Variants in DOCK2 observed in about 807,000 individuals in gnomAD.
The protein encoded by DOCK2 is dedicator of cytokinesis protein 2.
DOCK2 carries 87 observed loss-of-function variants against 248.9 expected under a neutral mutation model. That is an observed-to-expected ratio of 0.35 (90% confidence interval 0.29 to 0.42). The LOEUF is 0.42. DOCK2 is among the 10% of genes least tolerant of loss of function. The probability of loss-of-function intolerance (pLI) is 1.00; values close to 1 mark genes in which losing one functional copy is unlikely to be tolerated. For synonymous variants in DOCK2, 805 were observed against 821.6 expected (o/e 0.98, Z 0.35); for missense variants, 1,747 against 2,300.2 (o/e 0.76, Z 4.92).
intron 27 of DOCK2, among the ~76,000 whole-genome samples, chr5:169,981,744 G>A (rs1178140726): frequency 6.6e-6 from 1 of 152,100 alleles, no homozygotes; most frequent in East Asian, 1.9e-4. Flanking sequence ...CCTATTTACT[G>A]AAGGCTCAGA....
At chr5:169,881,549 C>A in intron 27 of DOCK2, 1 of 815,684 alleles carries the variant, frequency 1.2e-6, no homozygotes. Context: ...ATTCACGGTG[C>A]TCTGAAGTTG....
Position 169,775,629 on chromosome 5 carries a change from C to T in DOCK2, c.2554+14004C>T, listed in dbSNP as rs114173251. 7.5e-3 allele frequency among the ~76,000 whole-genome samples: 1,140 copies of T among 151,576 alleles called. 20 individuals carry two copies. The highest frequency in any genetic ancestry group is 0.027 in the African/African-American group (1,102 of 41,362). On this transcript the variant is annotated intron_variant, in intron 25 of 51. Coordinates refer to ENST00000520908, the MANE Select transcript of DOCK2 (RefSeq NM_004946.3). ...ATAAATTTTATAATAAAGTTTTATA[C>T]AATTATAAATATGATAACTTATAAG... is the stretch of plus-strand genomic sequence containing the variant.
chr5:169,700,166 C>T (rs767960838), intron 13 of DOCK2, 27 bp downstream of exon 13: 8 of 1,608,392 alleles, frequency 5.0e-6, no homozygotes, highest in East Asian at 2.2e-5. Context: ...CTGACCTTCC[C>T]CTGGGGACAT....
At chr5:169,914,699 G>T (rs1436194958) in intron 27 of DOCK2, among the ~76,000 whole-genome samples, 1 of 152,166 alleles carries the variant, frequency 6.6e-6, no homozygotes, top group Admixed American at 6.5e-5. Context: ...CCCATCTAAG[G>T]CATCAATCCC....
intron 26 of DOCK2, among the ~76,000 whole-genome samples, chr5:169,825,837 A>G (rs1768816406): frequency 6.7e-6 from 1 of 148,258 alleles, no homozygotes; most frequent in South Asian, 2.1e-4. Context: ...AAAAAAAAAG[A>G]AAAAAACAAA....
At chr5:169,758,880 T>C (rs773177997) in intron 23 of DOCK2, among the ~76,000 whole-genome samples, 2 of 152,248 alleles carry the variant, frequency 1.3e-5, no homozygotes, top group Non-Finnish European at 2.9e-5. Flanking sequence ...TACTTGAGTC[T>C]GATTGTTAAA....
chr5:169,809,358 GTC>G (rs1767598807), intron 26 of DOCK2, among the ~76,000 whole-genome samples: 1 of 152,202 alleles, frequency 6.6e-6, no homozygotes, highest in African/African-American at 2.4e-5. Flanking sequence ...TTAGTGCAGT[GTC>G]TCTTGCTTGG....
intron 27 of DOCK2, among the ~76,000 whole-genome samples, chr5:169,922,501 C>T (rs1561826249): frequency 2.0e-5 from 3 of 152,162 alleles, no homozygotes; most frequent in East Asian, 3.8e-4. Context: ...ATTTAATTAT[C>T]TAAGTAAAGT....
rs375603979 is a variant in DOCK2 at position 169,718,626 on chromosome 5, A to C, written c.2133-31A>C. 4.3e-5 allele frequency: 69 copies of C among 1,600,096 alleles called. No homozygotes were observed. The African/African-American group carries it at 7.4e-4, about 17-fold the overall frequency. ...CAAACTAATTACCATGATGAAAGAG[A>C]TGTATTTTGAAAATATTATCCCTTA... On this transcript the variant is annotated intron_variant, in intron 21 of 51. Transcript: ENST00000520908.
intron 26 of DOCK2, among the ~76,000 whole-genome samples, chr5:169,822,328 C>G (rs933065711): frequency 6.6e-6 from 1 of 152,232 alleles, no homozygotes; most frequent in African/African-American, 2.4e-5. Flanking sequence ...CTTTTCAGCA[C>G]CACACCACAC....
rs778683108 is a variant in DOCK2 at position 170,008,522 on chromosome 5, C to A, written c.3098C>A (p.Ala1033Glu). 12 of 1,613,992 alleles carry A rather than the reference C, an allele frequency of 7.4e-6. No individual in the cohort carries two copies. Among genetic ancestry groups the A allele is most frequent in the Admixed American group, 3.3e-5 (2 of 60,000 alleles). The change falls in exon 31 of 52, where the codon GCA (alanine) becomes GAA (glutamate). Residue 1033 changes from alanine (A) to glutamate (E), a missense_variant. Coordinates refer to ENST00000520908, the MANE Select transcript of DOCK2 (RefSeq NM_004946.3). Reference sequence around the variant, plus strand: ...CTGTGGAACAACTATTTTCATCTGGCAGTGGCTTTTATCACCCAGGATTCT... The same window carrying A: ...CTGTGGAACAACTATTTTCATCTGGAAGTGGCTTTTATCACCCAGGATTCT... ...FQLWNNYFHLAVAFITQDSLQ... is the reference protein window; with the variant it reads ...FQLWNNYFHLEVAFITQDSLQ...
intron 27 of DOCK2, chr5:169,980,303 G>A (rs1472628780): frequency 6.6e-6 from 1 of 152,154 alleles, no homozygotes; most frequent in African/African-American, 2.4e-5. Context: ...TACCTGCAGA[G>A]GATGGTCCCC....
chr5:169,683,279 G>C (rs529039618), intron 7 of DOCK2, among the ~76,000 whole-genome samples: 5 of 152,128 alleles, frequency 3.3e-5, no homozygotes, highest in African/African-American at 4.8e-5. Context: ...ACCCAGGCTG[G>C]AGTATAATGG....
intron 27 of DOCK2, among the ~76,000 whole-genome samples, chr5:169,842,885 C>T (rs1389487689): frequency 3.3e-5 from 5 of 152,184 alleles, no homozygotes; most frequent in Non-Finnish European, 5.9e-5. Context: ...TGTTTGATGG[C>T]TTTTGTGGCT....
At chr5:169,910,772 C>T (rs1168732499) in intron 27 of DOCK2, among the ~76,000 whole-genome samples, 2 of 152,224 alleles carry the variant, frequency 1.3e-5, no homozygotes, top group Non-Finnish European at 2.9e-5. Context: ...TTTTAGGTCA[C>T]AGCTTTCTTG....
chr5:169,855,143 G>T (rs538235388), intron 27 of DOCK2, among the ~76,000 whole-genome samples: 5 of 152,306 alleles, frequency 3.3e-5, no homozygotes, highest in African/African-American at 1.2e-4. Context: ...GAAAATGGGG[G>T]TAATCATAAA....
intron 27 of DOCK2, among the ~76,000 whole-genome samples, chr5:169,844,653 G>T (rs1365360333): frequency 6.6e-6 from 1 of 151,714 alleles, no homozygotes; most frequent in Non-Finnish European, 1.5e-5. Context: ...GATTATAACT[G>T]TCCTAGTGGT....
At chr5:169,984,981 C>T (rs1184990307) in intron 28 of DOCK2, among the ~76,000 whole-genome samples, 4 of 152,126 alleles carry the variant, frequency 2.6e-5, no homozygotes, top group East Asian at 1.9e-4. Flanking sequence ...AGCAGTGGCA[C>T]GATCTTGGCT....
chr5:169,684,706 T>C (rs1333321657), intron 8 of DOCK2, among the ~76,000 whole-genome samples: 1 of 152,182 alleles, frequency 6.6e-6, no homozygotes, highest in African/African-American at 2.4e-5. Flanking sequence ...CTGGAGTGCA[T>C]GGGTGCAATC....
Sources: gnomAD v4.1 joint callset for allele counts (sites outside exome capture counted in the v4.1 genomes callset) on GRCh38, gnomAD v4.1.1 for gene constraint, MANE v1.5 for transcripts, NCBI Gene and HGNC (gene_info 2026-07-23, HGNC 2026-07-21) for gene names.